The following LRRFIP1 variants were observed in gnomAD, a reference collection of about 807,000 sequenced individuals.
LRRFIP1 encodes the protein LRR binding FLII interacting protein 1.
In LRRFIP1, 62 loss-of-function variants were observed where a neutral mutation model predicts 104.4. That is an observed-to-expected ratio of 0.59 (90% confidence interval 0.48 to 0.73). The LOEUF (loss-of-function observed/expected upper bound fraction) is 0.73. LRRFIP1 is among the 30% of genes least tolerant of loss of function. LRRFIP1 has a pLI of 0.00. For synonymous variants in LRRFIP1, 300 were observed against 299.0 expected, an observed-to-expected ratio of 1.00 and a Z score of -0.03; for missense variants, 796 against 824.5, an observed-to-expected ratio of 0.97 and a Z score of 0.42.
intron 16 of LRRFIP1, among the ~76,000 whole-genome samples, chr2:237,756,524 C>T (rs746572126): frequency 2.0e-5 from 3 of 152,220 alleles, no homozygotes; most frequent in Non-Finnish European, 4.4e-5. Context: ...ACCTTAATTA[C>T]TTCGTAAAAA....
intron 8 of LRRFIP1, 128 bp from the exon 9 acceptor site, chr2:237,733,646 G>A (rs1287780988): frequency 1.2e-6 from 1 of 859,646 alleles, no homozygotes; most frequent in Admixed American, 2.2e-5. Flanking sequence ...CGATCGGTTT[G>A]TTTCTGTTTA....
rs2149756483 is a variant in LRRFIP1 at position 237,691,816 on chromosome 2, G to C, written c.97-16728G>C. Among the ~76,000 whole-genome samples, 1 of 152,280 alleles carries C rather than the reference G, an allele frequency of 6.6e-6. No individual in the cohort carries two copies. The highest frequency in any genetic ancestry group is 1.9e-4 in the East Asian group (1 of 5,176). On this transcript the variant is annotated intron_variant, in intron 1 of 23. Transcript: ENST00000308482. The surrounding 1 kb of genome is among the most constrained non-coding windows in gnomAD (Gnocchi z 5.4). Reference sequence around the variant, plus strand: ...GAGCCTGAGGGGTCTTTTCCTCCAGGTCCTCTTTCCGGCGGGGGCCGGAGG... The same window carrying C: ...GAGCCTGAGGGGTCTTTTCCTCCAGCTCCTCTTTCCGGCGGGGGCCGGAGG...
Position 237,717,020 on chromosome 2 carries a change from T to A in LRRFIP1, c.202-742T>A, listed in dbSNP as rs1184459407. On this transcript the variant is annotated intron_variant, in intron 3 of 23. Transcript: ENST00000308482. This position sits in a 1 kb window ranked among gnomAD's most constrained non-coding sequence, Gnocchi z 4.2. ...AAACATTATGAAATTTTTTTTGCAA[T>A]TTTTTTTTTTTAGCTTATCAGCTAT... Among the ~76,000 whole-genome samples the A allele has an allele frequency of 7.5e-6, 1 of 133,710 alleles. No homozygotes were observed. The highest frequency in any genetic ancestry group is 3.5e-5 in the African/African-American group (1 of 28,532). 87.7% of individuals were successfully genotyped at this position (133,710 alleles called of 152,430 possible).
Position 237,627,733 on chromosome 2 carries a change from C to A in LRRFIP1, c.89C>A (p.Ala30Glu). The change falls in exon 1 of 24, where the codon GCG (alanine) becomes GAG (glutamate). Residue 30 changes from alanine (A) to glutamate (E), a missense_variant. Physicochemically the swap from Ala to Glu is moderately radical, Grantham distance 107 (BLOSUM62 -1). Coordinates refer to ENST00000308482, the MANE Select transcript of LRRFIP1 (RefSeq NM_001137550.2). ...TAEDDALNQI[A>E]REAEARLAAK... ...GAGGACGACGCGCTCAACCAGATCG[C>A]GCGGGAGGTGAGCGCTCCGGGAGGG... The A allele has an allele frequency of 7.7e-7, 1 of 1,306,474 alleles. No individual in the cohort carries two copies. The highest frequency in any genetic ancestry group is 9.8e-7 in the Non-Finnish European group (1 of 1,019,676). 80.9% of individuals were successfully genotyped at this position (1,306,474 alleles called of 1,614,324 possible). A position where few individuals can be genotyped will look rare whatever the true frequency, so the allele number is the denominator to read the frequency against.
intron 7 of LRRFIP1, among the ~76,000 whole-genome samples, chr2:237,724,730 A>G (rs1019077668): frequency 2.0e-5 from 3 of 152,220 alleles, no homozygotes; most frequent in Non-Finnish European, 4.4e-5. Context: ...TGTTAAATTC[A>G]AAGTAAATTT....
intron 1 of LRRFIP1, among the ~76,000 whole-genome samples, chr2:237,652,947 T>C (rs558473934): frequency 5.3e-4 from 81 of 152,334 alleles, no homozygotes; most frequent in African/African-American, 1.9e-3. Flanking sequence ...TGGGGGCAGA[T>C]TTCTCCCTTT....
At chr2:237,681,170 G>A (rs1261238531) in intron 1 of LRRFIP1, among the ~76,000 whole-genome samples, 2 of 152,024 alleles carry the variant, frequency 1.3e-5, no homozygotes, top group African/African-American at 4.8e-5. Context: ...ACTTTCAGTG[G>A]GTCCTTTACT....
At chr2:237,738,624 G>A (rs552217713) in intron 10 of LRRFIP1, among the ~76,000 whole-genome samples, 6 of 152,346 alleles carry the variant, frequency 3.9e-5, no homozygotes, top group Middle Eastern at 3.4e-3. Flanking sequence ...TTACAAGGGC[G>A]TAGCTTCCAG....
chr2:237,629,191 C>A (rs1159252701), intron 1 of LRRFIP1, among the ~76,000 whole-genome samples: 1 of 152,246 alleles, frequency 6.6e-6, no homozygotes, highest in Non-Finnish European at 1.5e-5. Flanking sequence ...ATGTCTGTTA[C>A]ATTAATTAAT....
At position 237,723,595 on chromosome 2, in the gene LRRFIP1, G is replaced by A; in HGVS notation, c.384+9G>A. 6.2e-7 allele frequency: 1 copy of A among 1,613,934 alleles called. No individual in the cohort carries two copies. On this transcript the variant is annotated intron_variant, in intron 7 of 23. Coordinates refer to ENST00000308482, the MANE Select transcript of LRRFIP1 (RefSeq NM_001137550.2). ...GGGGTCCTTACGCCTGGGTGAGATG[G>A]TCGGATATACTTTGCTGTGTGACCT...
intron 1 of LRRFIP1, among the ~76,000 whole-genome samples, chr2:237,707,882 A>G (rs1020903589): frequency 1.1e-4 from 17 of 152,200 alleles, no homozygotes; most frequent in African/African-American, 2.2e-4. Flanking sequence ...CCGTTCTGCT[A>G]TGATCTTCAT....
intron 1 of LRRFIP1, among the ~76,000 whole-genome samples, chr2:237,646,379 C>T (rs7579239): frequency 0.014 from 2,171 of 151,972 alleles, 50 homozygotes; most frequent in African/African-American, 0.05. Flanking sequence ...GCCCAGCATC[C>T]ATTAGCTATT....
rs751505108 is a variant in LRRFIP1, at chr2:237,772,863, T to C, written c.1628-3T>C. 14 of 1,610,384 alleles carry C rather than the reference T, an allele frequency of 8.7e-6. No homozygotes were observed. Among genetic ancestry groups the C allele is most frequent in the Non-Finnish European group, 5.1e-6 (6 of 1,176,754 alleles). On this transcript the variant is annotated splice_region_variant and splice_polypyrimidine_tract_variant and intron_variant, in intron 21 of 23. Coordinates refer to ENST00000308482, the MANE Select transcript of LRRFIP1 (RefSeq NM_001137550.2). ...CAGATTTTCCTTCTCTTTCAACCTT[T>C]AGGGGATGCCAACAGACAGATCAGC...
At chr2:237,634,979 G>T (rs1343050528) in intron 1 of LRRFIP1, among the ~76,000 whole-genome samples, 1 of 152,068 alleles carries the variant, frequency 6.6e-6, no homozygotes, top group African/African-American at 2.4e-5. Flanking sequence ...TCTCCTCAGG[G>T]TTTCCTGCAC....
chr2:237,630,679 T>C (rs2082214234), intron 1 of LRRFIP1, among the ~76,000 whole-genome samples: 1 of 152,168 alleles, frequency 6.6e-6, no homozygotes, highest in South Asian at 2.1e-4. Context: ...GGACTGACAT[T>C]GACAAGGGGA....
intron 18 of LRRFIP1, among the ~76,000 whole-genome samples, chr2:237,759,131 A>G (rs558563903): frequency 6.6e-6 from 1 of 152,356 alleles, no homozygotes; most frequent in Admixed American, 6.5e-5. Flanking sequence ...TCAGACTTAG[A>G]GAATTAATTT....
rs373477655 is a variant in LRRFIP1, at chr2:237,763,473, C to T, written c.1459+3268C>T. On this transcript the variant is annotated intron_variant, in intron 19 of 23. Coordinates refer to ENST00000308482, the MANE Select transcript of LRRFIP1 (RefSeq NM_001137550.2). ...AAAAAATCCCCAGTACCCGTAGAAA[C>T]CCTTAAAGATGTTAAAAAAGAGTTA... 5.0e-6 allele frequency: 8 copies of T among 1,613,172 alleles called. No homozygotes were observed. The Admixed American group carries it at 8.4e-5, about 17-fold the overall frequency.
At chr2:237,744,681 A>G (rs2057568874) in intron 11 of LRRFIP1, among the ~76,000 whole-genome samples, 1 of 152,266 alleles carries the variant, frequency 6.6e-6, no homozygotes, top group Admixed American at 6.5e-5. Flanking sequence ...GTCTGTATAC[A>G]CTCAGCTGTG....
At chr2:237,640,469 A>C (rs73089750) in intron 1 of LRRFIP1, among the ~76,000 whole-genome samples, 2,315 of 151,914 alleles carry the variant, frequency 0.015, 60 homozygotes, top group African/African-American at 0.053. Context: ...GCTGCAGGAG[A>C]AGGGACAGGG....
Sources: allele counts gnomAD v4.1 joint callset (sites outside exome capture counted in the v4.1 genomes callset), GRCh38; gene constraint gnomAD v4.1.1; non-coding constraint Gnocchi (gnomAD v3.1); transcripts MANE v1.5; gene names NCBI Gene and HGNC (gene_info 2026-07-23, HGNC 2026-07-21).